The following NAALADL2 variants were observed in gnomAD, a reference collection of about 807,000 sequenced individuals.
NAALADL2 encodes N-acetylated alpha-linked acidic dipeptidase like 2.
Under a neutral mutation model 87.2 loss-of-function variants are expected in NAALADL2, and 76 were observed. The observed-to-expected ratio is 0.87, with a 90% CI of 0.72 to 1.05. NAALADL2 has a LOEUF of 1.05. Among genes scored for constraint, NAALADL2 ranks in the 50% least tolerant of loss-of-function variants. The probability of loss-of-function intolerance (pLI) is 0.00; values close to 1 mark genes in which losing one functional copy is unlikely to be tolerated. For synonymous variants in NAALADL2, 354 were observed against 331.0 expected (o/e 1.07, Z -0.75); for missense variants, 1,089 against 945.8 (o/e 1.15, Z -1.99).
At position 175,648,246 on chromosome 3, in the gene NAALADL2, CT is replaced by C. The variant is rs559249008; in HGVS notation, c.1896+20863del. ...CATGGCAGTTTCTCTTATTTCACTG[CT>C]TTCCCTTGGTTTTCTCATCTGTAAG... On this transcript the variant is annotated intron_variant, in intron 11 of 13. Coordinates refer to ENST00000454872, the MANE Select transcript of NAALADL2 (RefSeq NM_207015.3). Among the ~76,000 whole-genome samples the C allele has an allele frequency of 1.4e-3, 210 of 152,206 alleles. 1 individual carries two copies. Among genetic ancestry groups the C allele is most frequent in the African/African-American group, 4.9e-3 (203 of 41,544 alleles).
intron 2 of NAALADL2, among the ~76,000 whole-genome samples, chr3:174,586,249 G>T (rs905701150): frequency 1.3e-5 from 2 of 152,130 alleles, no homozygotes; most frequent in Non-Finnish European, 1.5e-5. Flanking sequence ...GTATTCAGTT[G>T]TACAGGTTGT....
chr3:175,097,857 A>G (rs2108381082), intron 2 of NAALADL2, among the ~76,000 whole-genome samples: 1 of 152,274 alleles, frequency 6.6e-6, no homozygotes, highest in East Asian at 1.9e-4. Context: ...GTATTTGCAT[A>G]TATCTTCTAT....
At chr3:175,295,377 T>G (rs1468723771) in intron 4 of NAALADL2, among the ~76,000 whole-genome samples, 4 of 152,144 alleles carry the variant, frequency 2.6e-5, no homozygotes, top group Non-Finnish European at 5.9e-5. Context: ...TGAATTCGTT[T>G]CTTTTCCTGT....
intron 3 of NAALADL2, among the ~76,000 whole-genome samples, chr3:174,811,292 C>T (rs991787504): frequency 2.0e-5 from 3 of 152,186 alleles, no homozygotes; most frequent in East Asian, 1.9e-4. Flanking sequence ...TGGCACCTTG[C>T]ACCTGGAAAA....
intron 1 of NAALADL2, among the ~76,000 whole-genome samples, chr3:174,457,518 C>T (rs1165052218): frequency 6.6e-6 from 1 of 152,188 alleles, no homozygotes; most frequent in East Asian, 1.9e-4. Context: ...ACAATGCAGC[C>T]ATACAGCCAT....
At chr3:174,562,916 A>T (rs978920548) in intron 2 of NAALADL2, among the ~76,000 whole-genome samples, 1 of 152,114 alleles carries the variant, frequency 6.6e-6, no homozygotes, top group African/African-American at 2.4e-5. Flanking sequence ...TAACTCTTTA[A>T]AGTATTTATC....
chr3:175,169,993 G>C (rs1734564553), intron 2 of NAALADL2, among the ~76,000 whole-genome samples: 1 of 151,732 alleles, frequency 6.6e-6, no homozygotes. Context: ...CAACCTGTTT[G>C]GGTTGCACTT....
intron 2 of NAALADL2, among the ~76,000 whole-genome samples, chr3:175,230,937 A>G (rs1483808465): frequency 1.3e-5 from 2 of 151,958 alleles, no homozygotes; most frequent in Admixed American, 6.6e-5. Flanking sequence ...GCATATGTCT[A>G]TCAGGAAACA....
At chr3:174,832,538 T>G (rs1349090923) in intron 3 of NAALADL2, among the ~76,000 whole-genome samples, 5 of 152,132 alleles carry the variant, frequency 3.3e-5, no homozygotes, top group Non-Finnish European at 5.9e-5. Context: ...CTCAGCTCAC[T>G]GCAAGCTCTG....
chr3:174,866,610 G>T (rs900353601), intron 1 of NAALADL2, among the ~76,000 whole-genome samples: 1 of 151,560 alleles, frequency 6.6e-6, no homozygotes, highest in Non-Finnish European at 1.5e-5. Flanking sequence ...ATTTTATATA[G>T]GTGTTTTGCA....
At chr3:174,857,401 T>C (rs891995455), upstream of NAALADL2, among the ~76,000 whole-genome samples, 1 of 152,166 alleles carries the variant, frequency 6.6e-6, no homozygotes, top group African/African-American at 2.4e-5. Flanking sequence ...TTTTTTGTTA[T>C]CGTTTAAGAA....
intron 5 of NAALADL2, among the ~76,000 whole-genome samples, chr3:175,376,855 C>A (rs1457467466): frequency 6.6e-6 from 1 of 152,070 alleles, no homozygotes; most frequent in Non-Finnish European, 1.5e-5. Flanking sequence ...GTTACTATGA[C>A]TTTACATTTA....
At position 174,721,155 on chromosome 3, in the gene NAALADL2, A is replaced by G. The variant is rs114058171; in HGVS notation, c.-114-16486A>G. Among the ~76,000 whole-genome samples the G allele has an allele frequency of 2.9e-3, 444 of 152,318 alleles. 2 individuals carry two copies. The highest frequency in any genetic ancestry group is 0.01 in the African/African-American group (425 of 41,576). On this transcript the variant is annotated intron_variant, in intron 2 of 3. Transcript: ENST00000434257. ...GCTAATAATTATGAATTCAATATTTATGTGAAATAGGCTGTAACTTTAAAT... is the reference window on the plus strand; with the variant it reads ...GCTAATAATTATGAATTCAATATTTGTGTGAAATAGGCTGTAACTTTAAAT...
At chr3:175,037,744 C>T (rs1291300957) in intron 1 of NAALADL2, among the ~76,000 whole-genome samples, 1 of 152,128 alleles carries the variant, frequency 6.6e-6, no homozygotes, top group African/African-American at 2.4e-5. Context: ...AGACTGCATT[C>T]TGGTATACAC....
chr3:175,711,556 T>C (rs1561017156), intron 11 of NAALADL2, among the ~76,000 whole-genome samples: 1 of 151,974 alleles, frequency 6.6e-6, no homozygotes, highest in Non-Finnish European at 1.5e-5. Context: ...GTCAAGCTTA[T>C]AATTAGTGAG....
At chr3:175,009,088 T>C (rs890668351) in intron 1 of NAALADL2, among the ~76,000 whole-genome samples, 1 of 152,166 alleles carries the variant, frequency 6.6e-6, no homozygotes, top group Non-Finnish European at 1.5e-5. Flanking sequence ...CTTTGGCTGT[T>C]TCAGAACCAC....
At chr3:174,608,344 C>CA (rs1373394137) in intron 2 of NAALADL2, among the ~76,000 whole-genome samples, 1 of 151,782 alleles carries the variant, frequency 6.6e-6, no homozygotes, top group Non-Finnish European at 1.5e-5. Context: ...AATAGAGACA[C>CA]AAAAAACCCT....
rs1731795589 is a variant in NAALADL2, at chr3:175,658,412, G to C, written c.1896+31026G>C. ...AATTTATTTACTGGTCATTAAGATT[G>C]ATATATTATTTTTAGATTGAAACTC... On this transcript the variant is annotated intron_variant, in intron 11 of 13. Coordinates refer to ENST00000454872, the MANE Select transcript of NAALADL2 (RefSeq NM_207015.3). Among the ~76,000 whole-genome samples, 3 of 152,184 alleles carry C rather than the reference G, an allele frequency of 2.0e-5. 1 individual carries two copies. Among genetic ancestry groups the C allele is most frequent in the Non-Finnish European group, 4.4e-5 (3 of 67,984 alleles).
chr3:175,748,823 G>A (rs1746254431), intron 12 of NAALADL2, among the ~76,000 whole-genome samples: 1 of 151,962 alleles, frequency 6.6e-6, no homozygotes, highest in South Asian at 2.1e-4. Flanking sequence ...GAAAATTATA[G>A]ACTGGGCATG....
Sources: gnomAD v4.1 joint callset for allele counts (sites outside exome capture counted in the v4.1 genomes callset) on GRCh38, gnomAD v4.1.1 for gene constraint, MANE v1.5 for transcripts, NCBI Gene and HGNC (gene_info 2026-07-23, HGNC 2026-07-21) for gene names.